SYTL5: variants seen among roughly 807,000 people sequenced by gnomAD.
SYTL5 encodes synaptotagmin-like protein 5.
In SYTL5, 34 loss-of-function variants were observed where a neutral mutation model predicts 55.9. That is an observed-to-expected ratio of 0.61 (90% confidence interval 0.46 to 0.81). SYTL5 has a LOEUF of 0.81. SYTL5 is among the 30% of genes least tolerant of loss of function. The pLI is 0.00. For synonymous variants in SYTL5, 221 were observed against 188.7 expected (o/e 1.17, Z -1.40); for missense variants, 637 against 546.7 (o/e 1.17, Z -1.65).
the SYTL5 span, among the ~76,000 whole-genome samples, chrX:37,918,897 A>G: frequency 9.0e-6 from 1 of 110,652 alleles, no homozygotes; most frequent in Non-Finnish European, 1.9e-5. Flanking sequence ...ACTAGATTAT[A>G]AACCACAATT....
the SYTL5 span, among the ~76,000 whole-genome samples, chrX:37,924,723 GATAA>G: frequency 9.0e-6 from 1 of 110,570 alleles, no homozygotes; most frequent in Non-Finnish European, 1.9e-5. Flanking sequence ...AATTTTTGTT[GATAA>G]ATATTAGTTA....
At chrX:38,115,583 AACACTT>A (rs1426559390) in intron 13 of SYTL5, among the ~76,000 whole-genome samples, 1 of 109,989 alleles carries the variant, frequency 9.1e-6, no homozygotes, top group Non-Finnish European at 1.9e-5. Context: ...GTAGTTCTAT[AACACTT>A]ACTATATTTA....
At chrX:38,037,647 A>C (rs1251003828) in intron 2 of SYTL5, among the ~76,000 whole-genome samples, 1 of 111,376 alleles carries the variant, frequency 9.0e-6, no homozygotes, top group Non-Finnish European at 1.9e-5. Flanking sequence ...CAGATAATAT[A>C]ACTTTCTGTT....
At chrX:38,123,469 A>T (rs1332883212) in intron 15 of SYTL5, among the ~76,000 whole-genome samples, 1 of 111,596 alleles carries the variant, frequency 9.0e-6, no homozygotes, top group Non-Finnish European at 1.9e-5. Flanking sequence ...GGGGAGAAGC[A>T]GTTCTGGGGC....
chrX:37,905,922 C>T, the SYTL5 span, among the ~76,000 whole-genome samples: 1 of 113,170 alleles, frequency 8.8e-6, no homozygotes, highest in African/African-American at 3.2e-5. Flanking sequence ...GAGACCGCGT[C>T]TCTCGAGGCA....
the SYTL5 span, among the ~76,000 whole-genome samples, chrX:37,899,177 T>C: frequency 9.0e-6 from 1 of 111,718 alleles, no homozygotes; most frequent in Non-Finnish European, 1.9e-5. Flanking sequence ...TAATCTATTA[T>C]ACATCATTTA....
chrX:37,915,548 A>C, the SYTL5 span, among the ~76,000 whole-genome samples: 2 of 112,206 alleles, frequency 1.8e-5, no homozygotes, highest in East Asian at 2.8e-4. Flanking sequence ...GGTGGATCTA[A>C]TGACCTAAAT....
intron 1 of SYTL5, among the ~76,000 whole-genome samples, chrX:38,018,578 G>GT (rs1372974389): frequency 1.8e-5 from 2 of 110,438 alleles, no homozygotes; most frequent in African/African-American, 3.3e-5. Flanking sequence ...CTCTTTCAAC[G>GT]TTTTTTGTCT....
the SYTL5 span, among the ~76,000 whole-genome samples, chrX:37,942,213 G>A: frequency 2.7e-5 from 3 of 111,703 alleles, no homozygotes; most frequent in African/African-American, 9.8e-5. Context: ...GAATTTTATG[G>A]CATTTTTTCA....
At chrX:37,929,196 C>A in the SYTL5 span, among the ~76,000 whole-genome samples, 1 of 112,112 alleles carries the variant, frequency 8.9e-6, no homozygotes, top group Non-Finnish European at 1.9e-5. Flanking sequence ...TATTAATGGG[C>A]TTTTCACCTG....
At chrX:37,899,247 G>A in the SYTL5 span, among the ~76,000 whole-genome samples, 3 of 110,320 alleles carry the variant, frequency 2.7e-5, no homozygotes, top group East Asian at 8.5e-4. Flanking sequence ...GGTCGCCCAG[G>A]GTACAGTGCA....
intron 12 of SYTL5, among the ~76,000 whole-genome samples, chrX:38,109,409 A>C: frequency 9.0e-6 from 1 of 111,241 alleles, no homozygotes; most frequent in Non-Finnish European, 1.9e-5. Context: ...ATGGTGTCAG[A>C]GTCCACTTTA....
At chrX:38,074,905 A>C (rs1456857814) in intron 5 of SYTL5, among the ~76,000 whole-genome samples, 1 of 102,863 alleles carries the variant, frequency 9.7e-6, no homozygotes, top group Non-Finnish European at 2.0e-5. Context: ...ACACCCCCTC[A>C]ACACACACAC....
chrX:37,995,877 A>G, the SYTL5 span, among the ~76,000 whole-genome samples: 4 of 112,274 alleles, frequency 3.6e-5, no homozygotes. Flanking sequence ...TCCTGGATAC[A>G]CTGGAATGCA....
At chrX:37,895,100 T>C in the SYTL5 span, among the ~76,000 whole-genome samples, 1 of 112,067 alleles carries the variant, frequency 8.9e-6, no homozygotes, top group Non-Finnish European at 1.9e-5. Flanking sequence ...CCTTTGACTC[T>C]GTTTCTCTGG....
At chrX:38,067,943 C>T (rs986972743) in intron 3 of SYTL5, among the ~76,000 whole-genome samples, 4 of 111,340 alleles carry the variant, frequency 3.6e-5, no homozygotes. Context: ...CAAATGAGAC[C>T]TAATTAATCT....
At chrX:37,913,703 C>A in the SYTL5 span, among the ~76,000 whole-genome samples, 1 of 112,321 alleles carries the variant, frequency 8.9e-6, no homozygotes, top group Non-Finnish European at 1.9e-5. Flanking sequence ...CCTCCTCCAT[C>A]CTTGGCCTGA....
intron 1 of SYTL5, among the ~76,000 whole-genome samples, chrX:38,017,106 G>A (rs1235095757): frequency 9.0e-6 from 1 of 110,726 alleles, no homozygotes; most frequent in African/African-American, 3.3e-5. Flanking sequence ...TTTTTGATGC[G>A]AGAGGTTGCC....
rs1209395155 is a variant in SYTL5 at position 38,015,705 on chromosome X, TG to T, written c.-357+9038del. ...CACCCATTTGAAGTGTACAATTCAATGTTTTTTTTTTTTTAGTCTATTCACA... is the reference window on the plus strand; with the variant it reads ...CACCCATTTGAAGTGTACAATTCAATTTTTTTTTTTTTTAGTCTATTCACA... On this transcript the variant is annotated intron_variant, in intron 1 of 16. Transcript: ENST00000297875. Among the ~76,000 whole-genome samples the T allele has an allele frequency of 2.6e-3, 288 of 110,137 alleles. 1 individual carries two copies. The highest frequency in any genetic ancestry group is 7.5e-3 in the African/African-American group (226 of 30,184).
Sources: allele counts gnomAD v4.1 joint callset (sites outside exome capture counted in the v4.1 genomes callset), GRCh38; gene constraint gnomAD v4.1.1; transcripts MANE v1.5; gene names NCBI Gene and HGNC (gene_info 2026-07-23, HGNC 2026-07-21).